The following DOCK5 variants were observed in gnomAD, a reference collection of about 807,000 sequenced individuals.
DOCK5 encodes the protein dedicator of cytokinesis 5.
In DOCK5, 142 loss-of-function variants were observed where a neutral mutation model predicts 251.8. That is an observed-to-expected ratio of 0.56 (90% confidence interval 0.49 to 0.65). DOCK5 has a LOEUF of 0.65. Among genes scored for constraint, DOCK5 ranks in the 30% least tolerant of loss-of-function variants. The pLI is 0.00. For missense variants in DOCK5, 2,111 were observed against 2,312.3 expected, an observed-to-expected ratio of 0.91 and a Z score of 1.79; for synonymous variants, 842 against 835.5, an observed-to-expected ratio of 1.01 and a Z score of -0.13.
chr8:25,351,795 T>G lies in DOCK5; in HGVS notation c.2819T>G (p.Val940Gly). The change falls in exon 27 of 52, where the codon GTG (valine) becomes GGG (glycine). Residue 940 changes from valine (V) to glycine (G), a missense_variant. Val to Gly is a moderately radical substitution (Grantham distance 109). Around this residue, in one of 3 missense-constraint regions of DOCK5, gnomAD observed 1,717 missense variants for 1,892.4 expected, o/e 0.91. Transcript: ENST00000276440. ...ERLLRRINRT[V>G]IGMNRQSPHI... ...CTGCTGAGAAGGATCAACCGGACAG[T>G]GATTGGGATGAACCGGCAGTCTCCC... 1 of 1,613,836 alleles carries G rather than the reference T, an allele frequency of 6.2e-7. No homozygotes were observed. Among genetic ancestry groups the G allele is most frequent in the South Asian group, 1.1e-5 (1 of 91,048 alleles).
intron 1 of DOCK5, among the ~76,000 whole-genome samples, chr8:25,218,612 G>C (rs2117493081): frequency 6.6e-6 from 1 of 152,330 alleles, no homozygotes; most frequent in East Asian, 1.9e-4. Flanking sequence ...GACACGTTCA[G>C]CTGTATGCTG....
chr8:25,185,839 G>A (rs1801416343), intron 1 of DOCK5, among the ~76,000 whole-genome samples: 1 of 152,150 alleles, frequency 6.6e-6, no homozygotes, highest in South Asian at 2.1e-4. Flanking sequence ...AGGCTCCTTT[G>A]GCTTTTTATC....
chr8:25,216,185 A>G (rs1288556310), intron 1 of DOCK5, among the ~76,000 whole-genome samples: 3 of 96,382 alleles, frequency 3.1e-5, no homozygotes, highest in African/African-American at 4.4e-5. Flanking sequence ...TGCATACAAT[A>G]TGTATATATG....
intron 37 of DOCK5, chr8:25,376,559 C>T (rs1800967195): frequency 4.7e-6 from 1 of 211,066 alleles, no homozygotes; most frequent in South Asian, 1.7e-4. Context: ...CCTACCTATT[C>T]CTTTTTGTTA....
rs372744343 is a variant in DOCK5, at chr8:25,351,798, T to C, written c.2822T>C (p.Ile941Thr). Residue 941 changes from isoleucine (I) to threonine (T), a missense_variant, in exon 27 of 52, where the codon ATT becomes ACT. Transcript: ENST00000276440. ...CTGAGAAGGATCAACCGGACAGTGA[T>C]TGGGATGAACCGGCAGTCTCCCCAC... Reference protein sequence around the residue: ...RLLRRINRTVIGMNRQSPHIG... With the variant: ...RLLRRINRTVTGMNRQSPHIG... The C allele has an allele frequency of 6.2e-6, 10 of 1,613,758 alleles. No homozygotes were observed. The highest frequency in any genetic ancestry group is 5.3e-5 in the African/African-American group (4 of 74,916).
chr8:25,191,755 C>CT (rs34406292), intron 1 of DOCK5, among the ~76,000 whole-genome samples: 4 of 145,574 alleles, frequency 2.7e-5, no homozygotes, highest in South Asian at 2.2e-4. Context: ...AAAACAAAAT[C>CT]TTTTTTTTAA....
chr8:25,241,535 C>T (rs1802945607), intron 1 of DOCK5, among the ~76,000 whole-genome samples: 1 of 151,648 alleles, frequency 6.6e-6, no homozygotes, highest in African/African-American at 2.4e-5. Flanking sequence ...GAAAGAGGAA[C>T]ACTTTTACAC....
At chr8:25,398,016 G>C (rs1319404683) in intron 45 of DOCK5, among the ~76,000 whole-genome samples, 1 of 152,108 alleles carries the variant, frequency 6.6e-6, no homozygotes, top group Non-Finnish European at 1.5e-5. Context: ...ATATGTAATG[G>C]TAATAGGTAG....
At chr8:25,264,065 T>G (rs1022932358) in intron 2 of DOCK5, among the ~76,000 whole-genome samples, 3 of 151,874 alleles carry the variant, frequency 2.0e-5, no homozygotes, top group Non-Finnish European at 2.9e-5. Flanking sequence ...CTCCTGTTGA[T>G]TCATATATAT....
At chr8:25,190,775 GGTT>G (rs1258439900) in intron 1 of DOCK5, among the ~76,000 whole-genome samples, 5 of 53,978 alleles carry the variant, frequency 9.3e-5, no homozygotes, top group African/African-American at 3.4e-4. Context: ...CTTGGTCATG[GGTT>G]TTTTTTTTTT....
chr8:25,364,500 A>G (rs1027796552), intron 29 of DOCK5, 126 bp from the exon 30 acceptor site: 1 of 644,172 alleles, frequency 1.6e-6, no homozygotes, highest in Non-Finnish European at 2.8e-6. Flanking sequence ...CTGCAAGGAC[A>G]CTGTTAGATT....
intron 2 of DOCK5, among the ~76,000 whole-genome samples, chr8:25,246,921 C>G (rs1474368975): frequency 6.6e-6 from 1 of 151,620 alleles, no homozygotes; most frequent in African/African-American, 2.4e-5. Flanking sequence ...GGGCCTTGCT[C>G]TGTCACCCTA....
intron 45 of DOCK5, among the ~76,000 whole-genome samples, chr8:25,396,291 A>T (rs1801344576): frequency 6.6e-6 from 1 of 152,160 alleles, no homozygotes; most frequent in Admixed American, 6.5e-5. Context: ...GAGGCACGAG[A>T]ATCACTTTTA....
chr8:25,230,351 G>A (rs2117517928), intron 1 of DOCK5, among the ~76,000 whole-genome samples: 1 of 152,252 alleles, frequency 6.6e-6, no homozygotes, highest in East Asian at 1.9e-4. Context: ...CTTGCAACCT[G>A]GGTTGGAGGA....
At chr8:25,342,812 C>T (rs1233022147) in intron 25 of DOCK5, among the ~76,000 whole-genome samples, 14 of 140,550 alleles carry the variant, frequency 1.0e-4, no homozygotes, top group Admixed American at 8.8e-4. Flanking sequence ...AATTCTCCTG[C>T]CTCAGCCTCC....
chr8:25,307,307 C>T (rs948532473), intron 11 of DOCK5, among the ~76,000 whole-genome samples: 4 of 151,918 alleles, frequency 2.6e-5, no homozygotes, highest in South Asian at 2.1e-4. Context: ...TTAGTAGAGA[C>T]GGGGTTTCAC....
chr8:25,291,969 C>T (rs1042302553), intron 5 of DOCK5, 55 bp from the exon 6 acceptor site: 3 of 1,463,818 alleles, frequency 2.0e-6, no homozygotes, highest in Admixed American at 5.1e-5. Context: ...ATGTTCCCAT[C>T]CTCTGTCACA....
intron 6 of DOCK5, among the ~76,000 whole-genome samples, chr8:25,293,989 G>A (rs1804555538): frequency 1.3e-5 from 2 of 152,158 alleles, no homozygotes; most frequent in African/African-American, 4.8e-5. Context: ...GGGTGATAGA[G>A]TGAGAATCCC....
chr8:25,229,987 T>C (rs1215796758), intron 1 of DOCK5, among the ~76,000 whole-genome samples: 1 of 152,240 alleles, frequency 6.6e-6, no homozygotes, highest in African/African-American at 2.4e-5. Flanking sequence ...ATTCAGGTCA[T>C]AGTTTTCTCG....
Sources: gnomAD v4.1 joint callset for allele counts (sites outside exome capture counted in the v4.1 genomes callset) on GRCh38, gnomAD v4.1.1 for gene constraint, gnomAD v4.1.1 regional missense constraint, MANE v1.5 for transcripts, NCBI Gene and HGNC (gene_info 2026-07-23, HGNC 2026-07-21) for gene names.